TRAF5: variants seen among roughly 807,000 people sequenced by gnomAD.
TRAF5 encodes TNF receptor-associated factor 5.
In TRAF5, 48 loss-of-function variants were observed where a neutral mutation model predicts 64.5. That is an observed-to-expected ratio of 0.74 (90% confidence interval 0.59 to 0.95). TRAF5 has a LOEUF of 0.95. Ranked by LOEUF, TRAF5 falls within the 40% of genes least tolerant of loss-of-function variation. TRAF5 has a pLI of 0.00. For missense variants in TRAF5, 545 were observed against 662.8 expected, an observed-to-expected ratio of 0.82 and a Z score of 1.95; for synonymous variants, 206 against 240.5, an observed-to-expected ratio of 0.86 and a Z score of 1.33.
intron 1 of TRAF5, among the ~76,000 whole-genome samples, chr1:211,327,326 A>G (rs1258589935): frequency 6.6e-6 from 1 of 152,238 alleles, no homozygotes; most frequent in South Asian, 2.1e-4. Context: ...CCCCTTCCGC[A>G]CCCGAAGGCA....
At chr1:211,366,361 T>C (rs1703350634) in intron 8 of TRAF5, among the ~76,000 whole-genome samples, 1 of 152,182 alleles carries the variant, frequency 6.6e-6, no homozygotes, top group Non-Finnish European at 1.5e-5. Context: ...TCTGTATCAG[T>C]TGCCTCATTC....
chr1:211,342,220 C>T (rs1702466123), intron 1 of TRAF5, among the ~76,000 whole-genome samples: 1 of 152,124 alleles, frequency 6.6e-6, no homozygotes, highest in Non-Finnish European at 1.5e-5. Flanking sequence ...ATGTGATGGG[C>T]CAACCCCTGA....
At chr1:211,360,661 G>A (rs757865189) in intron 5 of TRAF5, 41 bp from the exon 6 acceptor site, 1 of 1,537,624 alleles carries the variant, frequency 6.5e-7, no homozygotes, top group Non-Finnish European at 9.0e-7. Context: ...GTGAGGCCAT[G>A]AAAGACAACC....
chr1:211,346,074 T>C (rs1191650091), intron 1 of TRAF5, among the ~76,000 whole-genome samples: 1 of 152,202 alleles, frequency 6.6e-6, no homozygotes, highest in African/African-American at 2.4e-5. Flanking sequence ...TCTAGAACTT[T>C]TGTGATAGCA....
chr1:211,340,092 G>A (rs890808396), intron 1 of TRAF5, among the ~76,000 whole-genome samples: 5 of 151,228 alleles, frequency 3.3e-5, no homozygotes, highest in Non-Finnish European at 5.9e-5. Flanking sequence ...GTGGTCTCAG[G>A]TTTCTCCCCT....
At chr1:211,343,417 G>C (rs757387766) in intron 1 of TRAF5, among the ~76,000 whole-genome samples, 4 of 151,978 alleles carry the variant, frequency 2.6e-5, no homozygotes, top group Non-Finnish European at 5.9e-5. Flanking sequence ...TTAAAAAAAG[G>C]GGAATAATGA....
At chr1:211,350,413 A>G (rs1456945489) in intron 1 of TRAF5, among the ~76,000 whole-genome samples, 1 of 151,744 alleles carries the variant, frequency 6.6e-6, no homozygotes, top group Non-Finnish European at 1.5e-5. Context: ...AACAAAAACA[A>G]AAACAAAAAC....
chr1:211,334,874 C>T (rs1337838683), intron 1 of TRAF5, among the ~76,000 whole-genome samples: 1 of 152,180 alleles, frequency 6.6e-6, no homozygotes, highest in Non-Finnish European at 1.5e-5. Context: ...ATAATCTCAT[C>T]TGTCCTGTCC....
chr1:211,370,438 T>C (rs1048607769), intron 9 of TRAF5, among the ~76,000 whole-genome samples: 3 of 151,982 alleles, frequency 2.0e-5, no homozygotes, highest in African/African-American at 7.3e-5. Context: ...AATGTATATG[T>C]ATGTGAAATA....
At chr1:211,370,557 G>A (rs1323637622) in intron 9 of TRAF5, among the ~76,000 whole-genome samples, 2 of 152,132 alleles carry the variant, frequency 1.3e-5, no homozygotes, top group Non-Finnish European at 2.9e-5. Context: ...AATATCGTAA[G>A]TCAAAAATGT....
chr1:211,361,505 T>G (rs763067938), intron 7 of TRAF5, among the ~76,000 whole-genome samples: 2 of 152,070 alleles, frequency 1.3e-5, no homozygotes, highest in Non-Finnish European at 2.9e-5. Context: ...TCTGAAGGCC[T>G]TCAAATGATT....
intron 1 of TRAF5, among the ~76,000 whole-genome samples, chr1:211,336,351 CATT>C (rs1473756615): frequency 1.3e-5 from 2 of 152,204 alleles, no homozygotes; most frequent in African/African-American, 4.8e-5. Context: ...GGCTAGCTCA[CATT>C]AGTGTGTCAG....
intron 8 of TRAF5, among the ~76,000 whole-genome samples, chr1:211,366,486 A>G (rs1489687446): frequency 3.3e-5 from 5 of 152,214 alleles, no homozygotes; most frequent in Non-Finnish European, 5.9e-5. Context: ...CATAAATGTA[A>G]ACAGGTAAGT....
chr1:211,353,116 C>A, intron 1 of TRAF5, 123 bp from the exon 2 acceptor site: 1 of 1,002,330 alleles, frequency 1.0e-6, no homozygotes, highest in Non-Finnish European at 1.5e-6. Flanking sequence ...TTCAGAGTCA[C>A]AACAGAATGA....
At chr1:211,339,097 CTA>C (rs773044430) in intron 1 of TRAF5, among the ~76,000 whole-genome samples, 2 of 152,098 alleles carry the variant, frequency 1.3e-5, no homozygotes, top group Non-Finnish European at 2.9e-5. Flanking sequence ...GTCAGAAAGT[CTA>C]TATTCAAATC....
chr1:211,343,790 G>A (rs1479955541), intron 1 of TRAF5, among the ~76,000 whole-genome samples: 7 of 151,980 alleles, frequency 4.6e-5, no homozygotes, highest in South Asian at 2.1e-4. Flanking sequence ...ACAGTGACTC[G>A]GAGTTTCCAC....
At chr1:211,360,904 C>T (rs1703157145) in intron 6 of TRAF5, 125 bp downstream of exon 6, 8 of 995,892 alleles carry the variant, frequency 8.0e-6, no homozygotes, top group Middle Eastern at 2.2e-4. Context: ...ATGACCATGA[C>T]GTATCTGTCT....
rs79460064 is a variant in TRAF5 at position 211,344,880 on chromosome 1, A to T, written c.-1-8359A>T. ...GCGATCCTCCTGCCACAGCCCCCCAAGTCGCTGGGACTACAGGCGTGCACC... is the reference window on the plus strand; with the variant it reads ...GCGATCCTCCTGCCACAGCCCCCCATGTCGCTGGGACTACAGGCGTGCACC... On this transcript the variant is annotated intron_variant, in intron 1 of 10. Transcript: ENST00000261464. Among the ~76,000 whole-genome samples the T allele has an allele frequency of 2.9e-3, 436 of 152,130 alleles. 14 individuals carry two copies. The East Asian group carries it at 0.079, about 28-fold the overall frequency.
At chr1:211,327,880 T>C (rs922140135) in intron 1 of TRAF5, among the ~76,000 whole-genome samples, 1 of 152,206 alleles carries the variant, frequency 6.6e-6, no homozygotes, top group Non-Finnish European at 1.5e-5. Context: ...CTGACCCACC[T>C]CCTGTGAGGA....
Sources: gnomAD v4.1 joint callset for allele counts (sites outside exome capture counted in the v4.1 genomes callset) on GRCh38, gnomAD v4.1.1 for gene constraint, MANE v1.5 for transcripts, NCBI Gene and HGNC (gene_info 2026-07-23, HGNC 2026-07-21) for gene names.